TSHR: variants seen among roughly 807,000 people sequenced by gnomAD.
The protein encoded by TSHR is thyrotropin receptor.
TSHR carries 51 observed loss-of-function variants against 64.1 expected under a neutral mutation model. The ratio of observed to expected loss-of-function variants is 0.80; its 90% CI spans 0.64 to 1.01. The LOEUF is 1.01. Ranked by LOEUF, TSHR falls within the 50% of genes least tolerant of loss-of-function variation. TSHR has a pLI of 0.00. For synonymous variants in TSHR, 361 were observed against 361.9 expected, an observed-to-expected ratio of 1.00 and a Z score of 0.03; for missense variants, 877 against 942.8, an observed-to-expected ratio of 0.93 and a Z score of 0.91.
At chr14:81,007,363 A>C (rs1202871218) in intron 1 of TSHR, among the ~76,000 whole-genome samples, 3 of 152,186 alleles carry the variant, frequency 2.0e-5, no homozygotes, top group Admixed American at 1.3e-4. Flanking sequence ...GCAACTCTTG[A>C]CTCTGACGGT....
intron 1 of TSHR, among the ~76,000 whole-genome samples, chr14:81,024,873 G>A (rs1883966143): frequency 6.6e-6 from 1 of 151,926 alleles, no homozygotes; most frequent in Non-Finnish European, 1.5e-5. Flanking sequence ...TGTTATTCAA[G>A]GTTTACAGTA....
At chr14:81,010,962 C>T (rs1403177913) in intron 1 of TSHR, among the ~76,000 whole-genome samples, 1 of 152,172 alleles carries the variant, frequency 6.6e-6, no homozygotes, top group African/African-American at 2.4e-5. Flanking sequence ...GTACTCAGCA[C>T]TAATTCCATC....
intron 1 of TSHR, chr14:81,014,389 G>A (rs1890070379): frequency 6.6e-6 from 1 of 152,150 alleles, no homozygotes; most frequent in African/African-American, 2.4e-5. Flanking sequence ...AATCCAGAAT[G>A]GTGGGAAATT....
intron 7 of TSHR, among the ~76,000 whole-genome samples, chr14:81,098,058 T>A (rs886178010): frequency 1.3e-5 from 2 of 152,234 alleles, no homozygotes; most frequent in African/African-American, 4.8e-5. Context: ...TTTCATCTAC[T>A]TTTCAACATA....
intron 1 of TSHR, chr14:80,995,323 A>G (rs567555101): frequency 6.6e-6 from 1 of 152,294 alleles, no homozygotes; most frequent in Non-Finnish European, 1.5e-5. Context: ...CAGCAATCCC[A>G]TTACTGGATA....
chr14:81,048,462 G>A (rs963055844), intron 1 of TSHR, among the ~76,000 whole-genome samples: 3 of 152,010 alleles, frequency 2.0e-5, no homozygotes, highest in African/African-American at 7.3e-5. Flanking sequence ...AGGTTCGTTG[G>A]CCTGTCTAAA....
At chr14:81,007,032 T>C (rs1025083654) in intron 1 of TSHR, among the ~76,000 whole-genome samples, 2 of 152,238 alleles carry the variant, frequency 1.3e-5, no homozygotes, top group African/African-American at 4.8e-5. Context: ...TCCCAGATGC[T>C]ATCCAGGATA....
At chr14:81,009,360 T>C (rs571027644) in intron 1 of TSHR, among the ~76,000 whole-genome samples, 2 of 152,322 alleles carry the variant, frequency 1.3e-5, no homozygotes, top group East Asian at 3.9e-4. Flanking sequence ...TTCTTTATTA[T>C]GGAATATTTA....
intron 1 of TSHR, among the ~76,000 whole-genome samples, chr14:80,986,734 G>A (rs1039731059): frequency 3.6e-4 from 55 of 152,306 alleles, no homozygotes; most frequent in African/African-American, 1.2e-3. Flanking sequence ...TGATCTGCCC[G>A]CCTTGGCGTC....
At chr14:81,055,593 C>G (rs1170853121) in intron 1 of TSHR, among the ~76,000 whole-genome samples, 2 of 152,196 alleles carry the variant, frequency 1.3e-5, no homozygotes, top group Non-Finnish European at 2.9e-5. Flanking sequence ...ACCATGGGAA[C>G]TCAACCCTTG....
intron 1 of TSHR, chr14:80,957,713 A>G (rs891823415): frequency 6.6e-6 from 1 of 152,260 alleles, no homozygotes; most frequent in Non-Finnish European, 1.5e-5. Context: ...GCAATGGAAC[A>G]GGAGTCAGGA....
At chr14:80,989,786 G>T (rs571312394) in intron 1 of TSHR, among the ~76,000 whole-genome samples, 44 of 152,246 alleles carry the variant, frequency 2.9e-4, no homozygotes, top group African/African-American at 9.4e-4. Flanking sequence ...AGTTGTGGAA[G>T]ACACTTTAGA....
intron 3 of TSHR, among the ~76,000 whole-genome samples, chr14:81,077,830 T>C (rs1160737704): frequency 6.6e-6 from 1 of 152,216 alleles, no homozygotes; most frequent in Non-Finnish European, 1.5e-5. Context: ...TCTATTCCAT[T>C]GGCTTTTTAG....
At chr14:81,085,279 C>G (rs1888208179) in intron 3 of TSHR, among the ~76,000 whole-genome samples, 1 of 152,156 alleles carries the variant, frequency 6.6e-6, no homozygotes, top group East Asian at 1.9e-4. Flanking sequence ...CAGCTGTTAT[C>G]TCTCACCATT....
At chr14:81,056,342 A>G (rs1012518246) in intron 1 of TSHR, among the ~76,000 whole-genome samples, 2 of 152,114 alleles carry the variant, frequency 1.3e-5, no homozygotes, top group African/African-American at 2.4e-5. Context: ...AAAACTACAC[A>G]GGAAACTTTC....
chr14:81,096,635 G>A lies in TSHR; in HGVS notation c.546-4G>A, dbSNP rs781231828. ...CTGATTTCTCTTCTCTCTGTTGGTT[G>A]TAGGAAGCTGTACAACAATGGCTTT... On this transcript the variant is annotated splice_polypyrimidine_tract_variant and splice_region_variant and intron_variant, in intron 6 of 9. Coordinates refer to ENST00000298171, the MANE Select transcript of TSHR (RefSeq NM_000369.5). 3 of 1,613,384 alleles carry A rather than the reference G, an allele frequency of 1.9e-6. No homozygotes were observed. The highest frequency in any genetic ancestry group is 2.5e-6 in the Non-Finnish European group (3 of 1,179,446).
intron 3 of TSHR, 141 bp from the exon 4 acceptor site, chr14:81,087,813 G>A (rs1455014184): frequency 2.8e-6 from 2 of 727,004 alleles, no homozygotes; most frequent in Non-Finnish European, 5.0e-6. Context: ...ACCCCTGGCA[G>A]CTACAGCCCC....
At chr14:81,063,591 A>G (rs1595032338) in intron 2 of TSHR, among the ~76,000 whole-genome samples, 1 of 152,026 alleles carries the variant, frequency 6.6e-6, no homozygotes, top group African/African-American at 2.4e-5. Flanking sequence ...ACCTTATACA[A>G]CTGCCTATTT....
chr14:81,093,292 A>G (rs1008540986), intron 6 of TSHR, among the ~76,000 whole-genome samples: 1 of 152,264 alleles, frequency 6.6e-6, no homozygotes, highest in Non-Finnish European at 1.5e-5. Context: ...GGTCAAAAGT[A>G]GATGCTTAAT....
Sources: gnomAD v4.1 joint callset for allele counts (sites outside exome capture counted in the v4.1 genomes callset) on GRCh38, gnomAD v4.1.1 for gene constraint, MANE v1.5 for transcripts, NCBI Gene and HGNC (gene_info 2026-07-23, HGNC 2026-07-21) for gene names.